Variants in SUGCT observed in about 807,000 individuals in gnomAD.
SUGCT encodes the protein succinyl-CoA:glutarate-CoA transferase.
SUGCT carries 41 observed loss-of-function variants against 55.0 expected under a neutral mutation model. The ratio of observed to expected loss-of-function variants is 0.74; its 90% confidence interval spans 0.58 to 0.97. The LOEUF (loss-of-function observed/expected upper bound fraction) is 0.97. SUGCT is among the 50% of genes least tolerant of loss of function. The pLI, the probability that SUGCT is intolerant of heterozygous loss-of-function variation, is 0.00. For synonymous variants in SUGCT, 187 were observed against 200.4 expected (o/e 0.93, Z 0.56); for missense variants, 568 against 547.8 (o/e 1.04, Z -0.37).
chr7:40,352,282 TA>T (rs1402196929), intron 9 of SUGCT, among the ~76,000 whole-genome samples: 1 of 152,242 alleles, frequency 6.6e-6, no homozygotes, highest in Non-Finnish European at 1.5e-5. Flanking sequence ...CAATTTTTTT[TA>T]GTATATGTGC....
At chr7:40,698,569 T>TA (rs1416157584) in intron 12 of SUGCT, among the ~76,000 whole-genome samples, 2 of 152,192 alleles carry the variant, frequency 1.3e-5, no homozygotes, top group Non-Finnish European at 2.9e-5. Context: ...TGCCTCAACT[T>TA]ACACATATCA....
At chr7:40,801,676 GA>G (rs1474694671) in intron 13 of SUGCT, among the ~76,000 whole-genome samples, 1 of 152,104 alleles carries the variant, frequency 6.6e-6, no homozygotes, top group Non-Finnish European at 1.5e-5. Flanking sequence ...GTATTTTCTA[GA>G]AATAAGTTCA....
intron 7 of SUGCT, among the ~76,000 whole-genome samples, chr7:40,263,084 G>A (rs968831223): frequency 3.3e-5 from 5 of 152,038 alleles, no homozygotes; most frequent in Admixed American, 2.6e-4. Context: ...CACCATATCT[G>A]GCTAATTTTT....
At chr7:40,745,980 G>A (rs1452164835) in intron 12 of SUGCT, among the ~76,000 whole-genome samples, 1 of 152,116 alleles carries the variant, frequency 6.6e-6, no homozygotes, top group African/African-American at 2.4e-5. Flanking sequence ...GGGTGTTGGG[G>A]CCAGATGAGA....
At chr7:40,983,683 G>A in the SUGCT span, among the ~76,000 whole-genome samples, 79 of 152,110 alleles carry the variant, frequency 5.2e-4, no homozygotes, top group South Asian at 0.013. Flanking sequence ...TAAACAGTGC[G>A]GTTTATCCAC....
At chr7:40,644,159 G>A (rs1014500272) in intron 12 of SUGCT, among the ~76,000 whole-genome samples, 1 of 152,148 alleles carries the variant, frequency 6.6e-6, no homozygotes, top group Non-Finnish European at 1.5e-5. Context: ...ATAGGAGGGG[G>A]GAAAGATGGC....
chr7:40,547,704 C>T (rs1035226992), intron 12 of SUGCT, among the ~76,000 whole-genome samples: 13 of 152,078 alleles, frequency 8.5e-5, no homozygotes, highest in African/African-American at 2.9e-4. Flanking sequence ...GAGGTTACTT[C>T]TCTTTATAGC....
chr7:41,031,395 T>C, the SUGCT span, among the ~76,000 whole-genome samples: 1 of 152,176 alleles, frequency 6.6e-6, no homozygotes, highest in African/African-American at 2.4e-5. Flanking sequence ...AATTATCTGT[T>C]TTCTACCCAG....
intron 9 of SUGCT, among the ~76,000 whole-genome samples, chr7:40,408,137 T>G (rs1786482296): frequency 6.6e-6 from 1 of 152,172 alleles, no homozygotes; most frequent in African/African-American, 2.4e-5. Context: ...GAAAGCAACA[T>G]TAATTACAGT....
chr7:40,537,178 T>C (rs1362908660), intron 12 of SUGCT, among the ~76,000 whole-genome samples: 2 of 152,106 alleles, frequency 1.3e-5, no homozygotes, highest in African/African-American at 4.8e-5. Flanking sequence ...ACTCCAGCAG[T>C]TTCATATTGT....
At chr7:40,737,759 C>T (rs143937024) in intron 12 of SUGCT, among the ~76,000 whole-genome samples, 17 of 152,014 alleles carry the variant, frequency 1.1e-4, no homozygotes, top group East Asian at 5.8e-4. Flanking sequence ...AAAAAAATTT[C>T]GTCTTGATAT....
chr7:40,859,854 G>C (rs1794398076), intron 13 of SUGCT, among the ~76,000 whole-genome samples: 1 of 152,218 alleles, frequency 6.6e-6, no homozygotes, highest in Non-Finnish European at 1.5e-5. Context: ...GTGATCTGCA[G>C]TCAGTTGAAC....
At chr7:40,750,058 T>A (rs1203379205) in intron 13 of SUGCT, among the ~76,000 whole-genome samples, 2 of 152,224 alleles carry the variant, frequency 1.3e-5, no homozygotes, top group African/African-American at 4.8e-5. Flanking sequence ...GACTGCTGCC[T>A]AAGCCGAAAT....
intron 12 of SUGCT, among the ~76,000 whole-genome samples, chr7:40,649,360 C>T (rs1227306912): frequency 6.6e-6 from 1 of 151,906 alleles, no homozygotes; most frequent in Non-Finnish European, 1.5e-5. Context: ...GGTACCATGC[C>T]CCCGTGATAG....
Position 40,241,423 on chromosome 7 carries a change from A to G in SUGCT, c.576+3697A>G, listed in dbSNP as rs1789381552. Reference sequence around the variant, plus strand: ...GTGAAACCCCGTCTCTACTAAAAATACAAAAATTAGCTGGGCATCGTGGCA... The same window carrying G: ...GTGAAACCCCGTCTCTACTAAAAATGCAAAAATTAGCTGGGCATCGTGGCA... On this transcript the variant is annotated intron_variant, in intron 7 of 13. Coordinates refer to ENST00000335693, the MANE Select transcript of SUGCT (RefSeq NM_001193313.2). Among the ~76,000 whole-genome samples the G allele has an allele frequency of 2.0e-5, 3 of 151,736 alleles. No homozygotes were observed. The South Asian group carries it at 6.2e-4, about 32-fold the overall frequency.
chr7:40,329,480 A>AT (rs1410748444), intron 9 of SUGCT, among the ~76,000 whole-genome samples: 2 of 152,108 alleles, frequency 1.3e-5, no homozygotes, highest in African/African-American at 4.8e-5. Flanking sequence ...ACAGAATTAT[A>AT]TTAATAATTC....
chr7:40,826,899 A>C (rs1792341853), intron 13 of SUGCT, among the ~76,000 whole-genome samples: 1 of 152,198 alleles, frequency 6.6e-6, no homozygotes, highest in Non-Finnish European at 1.5e-5. Flanking sequence ...AAATAAGAGC[A>C]CTGTGGTGAG....
At chr7:40,173,514 C>T (rs1784777437) in intron 1 of SUGCT, among the ~76,000 whole-genome samples, 1 of 152,222 alleles carries the variant, frequency 6.6e-6, no homozygotes. Context: ...GTTGCCCACT[C>T]CCGGCTCAAA....
intron 13 of SUGCT, among the ~76,000 whole-genome samples, chr7:40,784,167 G>A (rs890865451): frequency 3.3e-5 from 5 of 152,124 alleles, no homozygotes; most frequent in African/African-American, 1.2e-4. Flanking sequence ...GTTTGAGCAT[G>A]GCTTCCGGGC....
Sources: gnomAD v4.1 joint callset for allele counts (sites outside exome capture counted in the v4.1 genomes callset) on GRCh38, gnomAD v4.1.1 for gene constraint, MANE v1.5 for transcripts, NCBI Gene and HGNC (gene_info 2026-07-23, HGNC 2026-07-21) for gene names.